The following PIK3C2G variants were observed in gnomAD, a reference collection of about 807,000 sequenced individuals.
The protein encoded by PIK3C2G is phosphatidylinositol 3-kinase C2 domain-containing subunit gamma.
A neutral mutation model predicts 181.1 loss-of-function variants in PIK3C2G; 168 were observed. That is an observed-to-expected ratio of 0.93 (90% CI 0.82 to 1.05). The LOEUF (loss-of-function observed/expected upper bound fraction) is 1.05, where lower values mean the gene tolerates loss of function less well. PIK3C2G is among the 50% of genes least tolerant of loss of function. The pLI, the probability that PIK3C2G is intolerant of heterozygous loss-of-function variation, is 0.00. For synonymous variants in PIK3C2G, 573 were observed against 592.2 expected (o/e 0.97, Z 0.47); for missense variants, 1,869 against 1,732.8 (o/e 1.08, Z -1.40).
the PIK3C2G span, among the ~76,000 whole-genome samples, chr12:18,680,575 A>G: frequency 1.3e-5 from 2 of 152,036 alleles, no homozygotes; most frequent in South Asian, 4.1e-4. Context: ...CTAACCAACC[A>G]CAACCAGAAA....
At chr12:18,439,244 T>C (rs772252594) in intron 18 of PIK3C2G, among the ~76,000 whole-genome samples, 1 of 152,004 alleles carries the variant, frequency 6.6e-6, no homozygotes, top group Non-Finnish European at 1.5e-5. Context: ...AATATGTGTG[T>C]CATTTAGTGT....
At chr12:18,613,398 A>G (rs1948441517) in intron 31 of PIK3C2G, among the ~76,000 whole-genome samples, 1 of 152,126 alleles carries the variant, frequency 6.6e-6, no homozygotes, top group Non-Finnish European at 1.5e-5. Flanking sequence ...AAGACAAAAG[A>G]TGGGAAAAGT....
At chr12:18,442,566 G>C (rs2135833968) in intron 18 of PIK3C2G, among the ~76,000 whole-genome samples, 1 of 152,244 alleles carries the variant, frequency 6.6e-6, no homozygotes, top group South Asian at 2.1e-4. Context: ...TGACAGATAA[G>C]AGTAAACTGA....
intron 12 of PIK3C2G, among the ~76,000 whole-genome samples, chr12:18,364,898 C>CAAAA (rs994353607): frequency 6.6e-6 from 1 of 152,048 alleles, no homozygotes; most frequent in African/African-American, 2.4e-5. Flanking sequence ...AACAAACAAA[C>CAAAA]AAACAAACAA....
intron 29 of PIK3C2G, among the ~76,000 whole-genome samples, chr12:18,573,831 T>A (rs1039876177): frequency 1.3e-5 from 2 of 152,168 alleles, no homozygotes; most frequent in African/African-American, 4.8e-5. Context: ...AGGGTCTCAG[T>A]CTGTGGTCAC....
intron 18 of PIK3C2G, among the ~76,000 whole-genome samples, chr12:18,463,903 C>G (rs1948052771): frequency 6.6e-6 from 1 of 152,096 alleles, no homozygotes. Context: ...CCCTTCACTC[C>G]TCCGCTCTGC....
At chr12:18,649,660 A>C (rs960963860), downstream of PIK3C2G, among the ~76,000 whole-genome samples, 4 of 152,088 alleles carry the variant, frequency 2.6e-5, no homozygotes, top group Non-Finnish European at 4.4e-5. Flanking sequence ...ATTTGCTCCC[A>C]CCATTTCAAT....
chr12:18,412,078 T>C (rs1218163430), intron 16 of PIK3C2G, among the ~76,000 whole-genome samples: 1 of 152,250 alleles, frequency 6.6e-6, no homozygotes, highest in East Asian at 1.9e-4. Flanking sequence ...CTAAATCCTC[T>C]GGATATTCCT....
At chr12:18,661,412 A>G in the PIK3C2G span, among the ~76,000 whole-genome samples, 44 of 152,306 alleles carry the variant, frequency 2.9e-4, no homozygotes, top group African/African-American at 9.6e-4. Context: ...GCAAGAGAGA[A>G]GTGACACATC....
chr12:18,684,374 C>A, the PIK3C2G span: 1 of 1,197,462 alleles, frequency 8.4e-7, no homozygotes, highest in East Asian at 2.4e-5. Flanking sequence ...CTTTTCAACC[C>A]TTTAACAATA....
intron 30 of PIK3C2G, among the ~76,000 whole-genome samples, chr12:18,601,843 G>T (rs1172947188): frequency 6.6e-6 from 1 of 152,130 alleles, no homozygotes; most frequent in Non-Finnish European, 1.5e-5. Flanking sequence ...AGAGAGCCGG[G>T]CTTAGGGAAA....
At chr12:18,644,970 C>T (rs1376508104) in intron 32 of PIK3C2G, among the ~76,000 whole-genome samples, 1 of 152,114 alleles carries the variant, frequency 6.6e-6, no homozygotes, top group Admixed American at 6.6e-5. Flanking sequence ...TCAGTAAATT[C>T]TTGGAATGTT....
chr12:18,491,004 C>T (rs753971682), intron 19 of PIK3C2G, among the ~76,000 whole-genome samples: 48 of 152,128 alleles, frequency 3.2e-4, no homozygotes, highest in Non-Finnish European at 4.7e-4. Context: ...TACTACTGTA[C>T]GTAATTTTTT....
the PIK3C2G span, among the ~76,000 whole-genome samples, chr12:18,684,819 GAC>G: frequency 1.3e-5 from 2 of 151,974 alleles, no homozygotes; most frequent in Non-Finnish European, 2.9e-5. Context: ...TGTTTAGGAA[GAC>G]ACCTGGTAGA....
intron 11 of PIK3C2G, among the ~76,000 whole-genome samples, chr12:18,350,335 G>A (rs964315337): frequency 6.6e-6 from 1 of 151,930 alleles, no homozygotes; most frequent in Non-Finnish European, 1.5e-5. Flanking sequence ...CATAAAGTAT[G>A]GTATCATTGT....
intron 3 of PIK3C2G, among the ~76,000 whole-genome samples, chr12:18,288,770 A>C (rs1483187526): frequency 1.3e-5 from 2 of 152,190 alleles, no homozygotes; most frequent in Non-Finnish European, 1.5e-5. Flanking sequence ...CTACTCACAG[A>C]CCACATTATT....
chr12:18,261,161 T>G (rs2136994213), upstream of PIK3C2G, among the ~76,000 whole-genome samples: 1 of 152,270 alleles, frequency 6.6e-6, no homozygotes, highest in East Asian at 1.9e-4. Context: ...ACCACTGGTT[T>G]CACCACATCC....
At chr12:18,492,857 G>A (rs913381478) in intron 20 of PIK3C2G, among the ~76,000 whole-genome samples, 1 of 152,008 alleles carries the variant, frequency 6.6e-6, no homozygotes, top group South Asian at 2.1e-4. Flanking sequence ...TGCTGCAGGT[G>A]GGACCACACT....
chr12:18,472,694 CAA>C (rs1938570430), intron 18 of PIK3C2G, among the ~76,000 whole-genome samples: 1 of 151,922 alleles, frequency 6.6e-6, no homozygotes, highest in Non-Finnish European at 1.5e-5. Context: ...TTATCTATTC[CAA>C]TATTTTTATT....
Sources: allele counts gnomAD v4.1 joint callset (sites outside exome capture counted in the v4.1 genomes callset), GRCh38; gene constraint gnomAD v4.1.1; transcripts MANE v1.5; gene names NCBI Gene and HGNC (gene_info 2026-07-23, HGNC 2026-07-21).